EYA1: variants seen among roughly 807,000 people sequenced by gnomAD.
The protein encoded by EYA1 is protein phosphatase EYA1.
EYA1 carries 16 observed loss-of-function variants against 82.0 expected under a neutral mutation model. The ratio of observed to expected loss-of-function variants is 0.20; its 90% confidence interval spans 0.13 to 0.30. The LOEUF is 0.30. Ranked by LOEUF, EYA1 falls within the 10% of genes least tolerant of loss-of-function variation. The probability of loss-of-function intolerance (pLI) is 1.00; values close to 1 mark genes in which losing one functional copy is unlikely to be tolerated. For synonymous variants in EYA1, 261 were observed against 264.4 expected (o/e 0.99, Z 0.12); for missense variants, 633 against 730.7 (o/e 0.87, Z 1.54).
rs1341629509 is a variant in EYA1 at position 71,463,630 on chromosome 8, TCTCC to T, written c.33+72110_33+72113del. On this transcript the variant is annotated intron_variant, in intron 2 of 18. Coordinates refer to the EYA1 transcript ENST00000643681. ...CTCTCTCTCTCTCTCTCTCTCTCTCTCTCCCTCCCTCCCCCCTCCCACACACACA... is the reference window on the plus strand; with the variant it reads ...CTCTCTCTCTCTCTCTCTCTCTCTCTCTCCCTCCCCCCTCCCACACACACA... Among the ~76,000 whole-genome samples, 239 of 32,724 alleles carry T rather than the reference TCTCC, an allele frequency of 7.3e-3. 8 individuals carry two copies. Among genetic ancestry groups the T allele is most frequent in the South Asian group, 0.019 (15 of 798 alleles). The allele number at this position is 32,724 out of a possible 152,430, so 21.5% of individuals were successfully genotyped here.
At chr8:71,398,294 A>T (rs1398878782) in intron 2 of EYA1, among the ~76,000 whole-genome samples, 1 of 152,186 alleles carries the variant, frequency 6.6e-6, no homozygotes, top group East Asian at 1.9e-4. Context: ...TTCTTCTCTC[A>T]ACTCGTCAAA....
chr8:71,520,701 C>T (rs1170832646), intron 2 of EYA1, among the ~76,000 whole-genome samples: 2 of 152,144 alleles, frequency 1.3e-5, no homozygotes, highest in Non-Finnish European at 2.9e-5. Context: ...CTTGAGTGAG[C>T]TGATCTAGCT....
chr8:71,423,946 G>T (rs1438659514), intron 2 of EYA1, among the ~76,000 whole-genome samples: 1 of 152,146 alleles, frequency 6.6e-6, no homozygotes, highest in African/African-American at 2.4e-5. Context: ...TTGTTCCCCT[G>T]TCATTTGTTA....
chr8:71,316,761 G>A (rs1821970776), intron 7 of EYA1, among the ~76,000 whole-genome samples: 1 of 152,104 alleles, frequency 6.6e-6, no homozygotes, highest in Non-Finnish European at 1.5e-5. Flanking sequence ...ACTATTAGGA[G>A]GCCAAATATG....
intron 11 of EYA1, among the ~76,000 whole-genome samples, chr8:71,257,010 T>A (rs577322677): frequency 3.2e-4 from 48 of 151,394 alleles, no homozygotes; most frequent in Admixed American, 9.9e-4. Context: ...AAAAAAAAAA[T>A]AAAATAAAAA....
At chr8:71,214,901 T>C (rs1808987613) in intron 16 of EYA1, among the ~76,000 whole-genome samples, 1 of 151,864 alleles carries the variant, frequency 6.6e-6, no homozygotes, top group Non-Finnish European at 1.5e-5. Flanking sequence ...CTCCCAACTA[T>C]GTTTCTTTCA....
chr8:71,336,636 A>G (rs2129049396), intron 3 of EYA1, among the ~76,000 whole-genome samples: 1 of 152,308 alleles, frequency 6.6e-6, no homozygotes, highest in Admixed American at 6.5e-5. Context: ...GAAATCCATT[A>G]AAACTAGGCA....
At chr8:71,236,757 G>A (rs530956318) in intron 12 of EYA1, among the ~76,000 whole-genome samples, 1 of 152,274 alleles carries the variant, frequency 6.6e-6, no homozygotes, top group African/African-American at 2.4e-5. Context: ...CTGTTAAATG[G>A]AATAATGTAT....
At chr8:71,481,535 C>G (rs111347260) in intron 2 of EYA1, among the ~76,000 whole-genome samples, 1 of 152,086 alleles carries the variant, frequency 6.6e-6, no homozygotes, top group Non-Finnish European at 1.5e-5. Flanking sequence ...GCCTACTGCA[C>G]GCCGGGACTA....
chr8:71,483,987 T>C (rs1810373750), intron 2 of EYA1, among the ~76,000 whole-genome samples: 1 of 152,216 alleles, frequency 6.6e-6, no homozygotes, highest in Non-Finnish European at 1.5e-5. Flanking sequence ...GCGGTGTTCT[T>C]GTATTTCTGG....
chr8:71,200,094 C>T (rs1806774875), intron 17 of EYA1: 1 of 155,322 alleles, frequency 6.4e-6, no homozygotes, highest in East Asian at 1.9e-4. Flanking sequence ...GTTACATCAT[C>T]CATGAAGGGT....
intron 16 of EYA1, among the ~76,000 whole-genome samples, chr8:71,211,954 T>A (rs1808570774): frequency 1.3e-5 from 2 of 152,134 alleles, no homozygotes; most frequent in Admixed American, 1.3e-4. Flanking sequence ...GGAATAAAGG[T>A]AATAGAATAC....
At chr8:71,256,694 A>C (rs1243433657) in intron 11 of EYA1, among the ~76,000 whole-genome samples, 3 of 152,216 alleles carry the variant, frequency 2.0e-5, no homozygotes, top group Non-Finnish European at 4.4e-5. Flanking sequence ...TTTTATGTGT[A>C]TATCAAAATT....
At chr8:71,503,451 C>T (rs1458312219) in intron 2 of EYA1, among the ~76,000 whole-genome samples, 1 of 151,286 alleles carries the variant, frequency 6.6e-6, no homozygotes, top group African/African-American at 2.4e-5. Flanking sequence ...GCAGCCTGGG[C>T]TACAGAGTAA....
At chr8:71,468,425 G>A (rs10095232) in intron 2 of EYA1, among the ~76,000 whole-genome samples, 34,961 of 151,888 alleles carry the variant, frequency 0.23, 4,366 homozygotes, top group South Asian at 0.39. Context: ...GGAGTCCAAC[G>A]GAAGTGTTAT....
chr8:71,199,531 G>A, intron 17 of EYA1, 111 bp from the exon 18 acceptor site: 4 of 724,584 alleles, frequency 5.5e-6, no homozygotes, highest in Non-Finnish European at 2.5e-6. Context: ...TCATTGAAAT[G>A]CCAGCTAACA....
At position 71,198,112 on chromosome 8, in the gene EYA1, G is replaced by GATA. The variant is rs1248772687; in HGVS notation, c.*1225_*1227dup. ...CTTTATCGAAAGAAAATGCAGACAC[G>GATA]ATAATTAATAATTCTGAGCACATGA... On this transcript the variant is annotated 3_prime_UTR_variant, in exon 18 of 18. Coordinates refer to ENST00000340726, the MANE Select transcript of EYA1 (RefSeq NM_000503.6). The GATA allele has an allele frequency of 1.3e-5, 2 of 152,354 alleles. No homozygotes were observed. Among genetic ancestry groups the GATA allele is most frequent in the African/African-American group, 4.8e-5 (2 of 41,420 alleles). The allele number at this position is 152,354 out of a possible 1,614,324, so 9.4% of individuals were successfully genotyped here. A position where few individuals can be genotyped will look rare whatever the true frequency, so the allele number is the denominator to read the frequency against.
At chr8:71,226,256 G>A (rs1239737010) in intron 12 of EYA1, among the ~76,000 whole-genome samples, 2 of 151,864 alleles carry the variant, frequency 1.3e-5, no homozygotes, top group African/African-American at 4.8e-5. Flanking sequence ...TTTAAAATGT[G>A]CTAATTAAAA....
At chr8:71,267,702 C>A (rs1020901273) in intron 11 of EYA1, among the ~76,000 whole-genome samples, 1 of 152,096 alleles carries the variant, frequency 6.6e-6, no homozygotes, top group African/African-American at 2.4e-5. Flanking sequence ...GCACCTGCCA[C>A]CACGCCTGGC....
Sources: allele counts gnomAD v4.1 joint callset (sites outside exome capture counted in the v4.1 genomes callset), GRCh38; gene constraint gnomAD v4.1.1; transcripts MANE v1.5; gene names NCBI Gene and HGNC (gene_info 2026-07-23, HGNC 2026-07-21).